The following OR2M4 variants were observed in gnomAD, a reference collection of about 807,000 sequenced individuals.
OR2M4 encodes olfactory receptor 2M4.
OR2M4 carries 8 observed loss-of-function variants against 13.7 expected under a neutral mutation model. The ratio of observed to expected loss-of-function variants is 0.58; its 90% CI spans 0.34 to 1.05. OR2M4 has a LOEUF of 1.05. Among genes scored for constraint, OR2M4 ranks in the 50% least tolerant of loss-of-function variants. The pLI is 0.02. For synonymous variants in OR2M4, 152 were observed against 141.3 expected (o/e 1.08, Z -0.53); for missense variants, 374 against 381.6 (o/e 0.98, Z 0.17).
rs1291810423 is a variant in OR2M4, at chr1:248,231,575, C to G, written c.-25C>G. 1.3e-5 allele frequency: 2 copies of G among 152,126 alleles called. No homozygotes were observed. Among genetic ancestry groups the G allele is most frequent in the Admixed American group, 1.3e-4 (2 of 15,278 alleles). The allele number at this position is 152,126 out of a possible 1,614,324, so 9.4% of individuals were successfully genotyped here. ...ATTTGGCGAATTTTCCCCTTGATCACCACCTGTGAGTAAGACATATAACAC... is the reference window on the plus strand; with the variant it reads ...ATTTGGCGAATTTTCCCCTTGATCAGCACCTGTGAGTAAGACATATAACAC... On this transcript the variant is annotated 5_prime_UTR_variant, in exon 1 of 2. Coordinates refer to ENST00000641868, the MANE Select transcript of OR2M4 (RefSeq NM_017504.2).
At position 248,244,677 on chromosome 1, in the gene OR2M4, C is replaced by T. The variant is rs770192142; in HGVS notation, c.*4813C>T. The T allele has an allele frequency of 4.6e-5, 7 of 152,132 alleles. No individual in the cohort carries two copies. Among genetic ancestry groups the T allele is most frequent in the African/African-American group, 7.2e-5 (3 of 41,406 alleles). The allele number at this position is 152,132 out of a possible 1,614,324, so 9.4% of individuals were successfully genotyped here. A position where few individuals can be genotyped will look rare whatever the true frequency, so the allele number is the denominator to read the frequency against. ...TGTAACAAACACGCACATGTACCCA[C>T]TGTGTCTAAAATAAAAGATGAAATC... On this transcript the variant is annotated 3_prime_UTR_variant, in exon 2 of 2. Transcript: ENST00000641868.
In OR2M4 at chr1:248,238,473, C is replaced by T. The variant is rs74155242; in HGVS notation, c.-19-437C>T. On this transcript the variant is annotated intron_variant, in intron 1 of 1. Transcript: ENST00000641868. ...AGGATGGTAGGGAAAAAAAAACATG[C>T]GAACAGGAATTCTGTTGTCAACGAG... 3.9e-5 allele frequency among the ~76,000 whole-genome samples: 6 copies of T among 152,008 alleles called. No individual in the cohort carries two copies. In the South Asian group the frequency reaches 6.2e-4, roughly 16 times the overall value.
rs1451210474 is a variant in OR2M4 at position 248,239,153 on chromosome 1, C to T, written c.225C>T (p.Cys75=). The T allele has an allele frequency of 3.1e-6, 5 of 1,613,826 alleles. No individual in the cohort carries two copies. The highest frequency in any genetic ancestry group is 3.4e-6 in the Non-Finnish European group (4 of 1,179,858). Residue 75 remains cysteine (C), a synonymous_variant, in exon 2 of 2, where the codon TGC becomes TGT. Transcript: ENST00000641868. The stretch of plus-strand genomic sequence containing the variant: ...CCCTTATGGACCTCATGCTCATCTG[C>T]ACCACTCTACCCAAGATGATCTTCA... ...QLSLMDLMLI[C]TTLPKMIFSY... is the part of the protein sequence containing the mutation.
In OR2M4 at chr1:248,239,384, G is replaced by T. The variant is rs1458523670; in HGVS notation, c.456G>T (p.Gly152=). 1 of 1,614,006 alleles carries T rather than the reference G, an allele frequency of 6.2e-7. No individual in the cohort carries two copies. The highest frequency in any genetic ancestry group is 1.1e-5 in the South Asian group (1 of 91,078). ...TGACTGTTGCTTCCTGGACCTTGGG[G>T]TCTCTTGATGGGATCATAGTGCTTG... ...VFMTVASWTL[G]SLDGIIVLAA... is the part of the protein sequence containing the mutation. The change falls in exon 2 of 2, where the codon GGG becomes GGT. Residue 152 remains glycine, a synonymous_variant. Coordinates refer to ENST00000641868, the MANE Select transcript of OR2M4 (RefSeq NM_017504.2).
Sources: gnomAD v4.1 joint callset for allele counts (sites outside exome capture counted in the v4.1 genomes callset) on GRCh38, gnomAD v4.1.1 for gene constraint, MANE v1.5 for transcripts, NCBI Gene and HGNC (gene_info 2026-07-23, HGNC 2026-07-21) for gene names.